The following BARX2 variants were observed in gnomAD, a reference collection of about 807,000 sequenced individuals.
BARX2 encodes BARX homeobox 2.
A neutral mutation model predicts 25.5 loss-of-function variants in BARX2; 11 were observed. The ratio of observed to expected loss-of-function variants is 0.43; its 90% CI spans 0.27 to 0.71. The LOEUF is 0.71. BARX2 is among the 30% of genes least tolerant of loss of function. BARX2 has a pLI of 0.19. For missense variants in BARX2, 360 were observed against 359.9 expected (o/e 1.00, Z 0.00); for synonymous variants, 137 against 149.5 (o/e 0.92, Z 0.61).
At chr11:129,428,656 C>T (rs548633118) in intron 1 of BARX2, among the ~76,000 whole-genome samples, 8 of 152,320 alleles carry the variant, frequency 5.3e-5, no homozygotes, top group African/African-American at 7.2e-5. Flanking sequence ...GCTTGCTTTT[C>T]GGAGAGATCC....
intron 1 of BARX2, among the ~76,000 whole-genome samples, chr11:129,416,437 A>T (rs1861943527): frequency 6.6e-6 from 1 of 152,218 alleles, no homozygotes; most frequent in Admixed American, 6.5e-5. Flanking sequence ...CTTTCCCAGA[A>T]ATTTCTCAGG....
intron 1 of BARX2, among the ~76,000 whole-genome samples, chr11:129,433,143 C>T (rs1366934904): frequency 6.6e-6 from 1 of 152,160 alleles, no homozygotes; most frequent in African/African-American, 2.4e-5. Context: ...CTCACTTAAT[C>T]CTGCTTTTTG....
rs374439494 is a variant in BARX2 at position 129,385,944 on chromosome 11, A to C, written c.187+9722A>C. 3.2e-4 allele frequency among the ~76,000 whole-genome samples: 49 copies of C among 152,364 alleles called. No individual in the cohort carries two copies. The East Asian group carries it at 5.8e-3, about 18-fold the overall frequency. ...CATTTAAATACAGAGCTTGTTGTAC[A>C]TAGTCTCACAGTGGGAAACTGAGAA... is the stretch of plus-strand genomic sequence containing the variant. On this transcript the variant is annotated intron_variant, in intron 1 of 3. Coordinates refer to ENST00000281437, the MANE Select transcript of BARX2 (RefSeq NM_003658.5).
intron 1 of BARX2, among the ~76,000 whole-genome samples, chr11:129,380,500 C>G (rs1009506423): frequency 6.6e-6 from 1 of 152,064 alleles, no homozygotes; most frequent in Non-Finnish European, 1.5e-5. Flanking sequence ...GTCAGAGACC[C>G]AAACTCATAG....
intron 3 of BARX2, among the ~76,000 whole-genome samples, chr11:129,450,912 T>C (rs983510946): frequency 7.9e-5 from 12 of 152,216 alleles, no homozygotes; most frequent in African/African-American, 2.9e-4. Context: ...ATTGTTGTAT[T>C]AAATGCCAAA....
In BARX2 at chr11:129,427,042, C is replaced by CGTATGCA. The variant is rs560777411; in HGVS notation, c.188-9708_188-9702dup. ...TGAATGCACAGATGATAAGAAGATA[C>CGTATGCA]GTATGCATGCTTCACAAGTAGGTGT... On this transcript the variant is annotated intron_variant, in intron 1 of 3. Coordinates refer to ENST00000281437, the MANE Select transcript of BARX2 (RefSeq NM_003658.5). Among the ~76,000 whole-genome samples, 8 of 152,246 alleles carry CGTATGCA rather than the reference C, an allele frequency of 5.3e-5. No homozygotes were observed. In the South Asian group the frequency reaches 1.7e-3, roughly 32 times the overall value.
At chr11:129,391,464 G>A (rs985042218) in intron 1 of BARX2, among the ~76,000 whole-genome samples, 3 of 152,126 alleles carry the variant, frequency 2.0e-5, no homozygotes, top group Non-Finnish European at 4.4e-5. Context: ...CCCTTTACAA[G>A]GAAGGTTCGC....
At chr11:129,445,925 G>A (rs1862322437) in intron 3 of BARX2, among the ~76,000 whole-genome samples, 1 of 152,058 alleles carries the variant, frequency 6.6e-6, no homozygotes, top group Admixed American at 6.6e-5. Flanking sequence ...AAAGATAATT[G>A]AGTAATAAAG....
chr11:129,417,393 C>T (rs985765749), intron 1 of BARX2, among the ~76,000 whole-genome samples: 4 of 152,076 alleles, frequency 2.6e-5, no homozygotes, highest in African/African-American at 4.8e-5. Context: ...CTCAGCTGTG[C>T]GGTGAAGAGG....
chr11:129,411,722 C>T (rs1457968376), intron 1 of BARX2, among the ~76,000 whole-genome samples: 1 of 152,222 alleles, frequency 6.6e-6, no homozygotes, highest in African/African-American at 2.4e-5. Context: ...CAGCTCTGGC[C>T]ACACGGCAGA....
intron 1 of BARX2, among the ~76,000 whole-genome samples, chr11:129,429,095 A>C (rs940846764): frequency 2.6e-5 from 4 of 151,950 alleles, no homozygotes; most frequent in Non-Finnish European, 5.9e-5. Flanking sequence ...ATTTTTAAAT[A>C]ACCAGCAATT....
intron 1 of BARX2, among the ~76,000 whole-genome samples, chr11:129,431,037 T>G (rs777757674): frequency 1.3e-5 from 2 of 152,154 alleles, no homozygotes. Flanking sequence ...AACTTTTGTA[T>G]TTTTAGTAGA....
At chr11:129,409,759 G>T (rs11828890) in intron 1 of BARX2, among the ~76,000 whole-genome samples, 23,686 of 152,096 alleles carry the variant, frequency 0.16, 2,049 homozygotes, top group East Asian at 0.36. Context: ...ACTTTAAAAT[G>T]ATCTGCATTT....
chr11:129,428,896 G>A (rs745891384), intron 1 of BARX2, among the ~76,000 whole-genome samples: 1 of 152,178 alleles, frequency 6.6e-6, no homozygotes, highest in African/African-American at 2.4e-5. Flanking sequence ...GTGGGGAAGA[G>A]TACACTCTTA....
intron 1 of BARX2, among the ~76,000 whole-genome samples, chr11:129,404,616 C>A (rs968091135): frequency 6.6e-6 from 1 of 152,186 alleles, no homozygotes; most frequent in Non-Finnish European, 1.5e-5. Context: ...ACCTGTTCTG[C>A]GAGAGTAATG....
chr11:129,410,586 GAATATGTGCAC>G (rs1861876228), intron 1 of BARX2, among the ~76,000 whole-genome samples: 1 of 152,180 alleles, frequency 6.6e-6, no homozygotes, highest in South Asian at 2.1e-4. Context: ...GTACATGAAT[GAATATGTGCAC>G]ACCCTGTGGG....
intron 1 of BARX2, among the ~76,000 whole-genome samples, chr11:129,392,305 T>C (rs990288303): frequency 6.6e-6 from 1 of 152,246 alleles, no homozygotes; most frequent in African/African-American, 2.4e-5. Context: ...TCCTGTGCAC[T>C]GTCGGGCTTA....
chr11:129,417,230 T>C (rs1861954193), intron 1 of BARX2, among the ~76,000 whole-genome samples: 2 of 152,134 alleles, frequency 1.3e-5, no homozygotes, highest in African/African-American at 4.8e-5. Flanking sequence ...TTAAAAGATA[T>C]TACAGCACTC....
chr11:129,431,112 C>T (rs1254056110), intron 1 of BARX2, among the ~76,000 whole-genome samples: 1 of 152,164 alleles, frequency 6.6e-6, no homozygotes, highest in Non-Finnish European at 1.5e-5. Flanking sequence ...TCTACCACCT[C>T]GGCCTCCCAG....
Sources: gnomAD v4.1 joint callset for allele counts (sites outside exome capture counted in the v4.1 genomes callset) on GRCh38, gnomAD v4.1.1 for gene constraint, MANE v1.5 for transcripts, NCBI Gene and HGNC (gene_info 2026-07-23, HGNC 2026-07-21) for gene names.